The following SLC4A1 variants were observed in gnomAD, a reference collection of about 807,000 sequenced individuals.
SLC4A1 encodes the protein band 3 anion transport protein.
Under a neutral mutation model 93.1 loss-of-function variants are expected in SLC4A1, and 29 were observed. The observed-to-expected ratio is 0.31, with a 90% CI of 0.23 to 0.42. The LOEUF is 0.42. Ranked by LOEUF, SLC4A1 falls within the 20% of genes least tolerant of loss-of-function variation. SLC4A1 has a pLI of 1.00. For missense variants in SLC4A1, 965 were observed against 1,190.1 expected (o/e 0.81, Z 2.78); for synonymous variants, 469 against 497.2 (o/e 0.94, Z 0.76).
At position 44,255,822 on chromosome 17, in the gene SLC4A1, T is replaced by G. The variant is rs1598298532; in HGVS notation, c.1651A>C (p.Lys551Gln). ...IKIFQDHPLQ[K>Q]TYNYNVLMVP... ...ATCAACACGTTGTAGTTATAAGTCT[T>G]CTGTAGTGGGTGGTCCTGGAAGATC... The change falls in exon 14 of 20, where the codon AAG (lysine) becomes CAG (glutamine). Residue 551 changes from lysine to glutamine, a missense_variant. Transcript: ENST00000262418. The G allele has an allele frequency of 2.5e-6, 4 of 1,614,160 alleles. No individual in the cohort carries two copies. The East Asian group carries it at 8.9e-5, about 36-fold the overall frequency.
chr17:44,251,720 CTTTTTTTTTT>C lies in SLC4A1; in HGVS notation c.2312-142_2312-133del, dbSNP rs67064853. On this transcript the variant is annotated intron_variant, in intron 17 of 19. Coordinates refer to ENST00000262418, the MANE Select transcript of SLC4A1 (RefSeq NM_000342.4). Reference sequence around the variant, plus strand: ...GCCATTTCTTTTTTCCTTTTCTTTTCTTTTTTTTTTTTTTTTTTTGTTTTTTTTTTTGAGA... The same window carrying C: ...GCCATTTCTTTTTTCCTTTTCTTTTCTTTTTTTTTGTTTTTTTTTTTGAGA... The C allele has an allele frequency of 3.6e-5, 14 of 392,888 alleles. 1 individual carries two copies. Among genetic ancestry groups the C allele is most frequent in the African/African-American group, 3.4e-4 (11 of 32,792 alleles). The allele number at this position is 392,888 out of a possible 1,614,324, so 24.3% of individuals were successfully genotyped here. A position where few individuals can be genotyped will look rare whatever the true frequency, so the allele number is the denominator to read the frequency against.
In SLC4A1 at chr17:44,259,845, T is replaced by C. The variant is rs1208544718; in HGVS notation, c.573A>G (p.Gln191=). The stretch of plus-strand genomic sequence containing the variant: ...AGAGCTGTGTCTCCAGTGAGGAGTG[T>C]TGGGGGAGCAGAGGCTGTGAAGGAT... ...SGDPSQPLLP[Q]HSSLETQLFC... is the part of the protein sequence containing the mutation. Residue 191 remains glutamine, a synonymous_variant, in exon 7 of 20, where the codon CAA becomes CAG. Coordinates refer to ENST00000262418, the MANE Select transcript of SLC4A1 (RefSeq NM_000342.4). 1.9e-6 allele frequency: 3 copies of C among 1,613,774 alleles called. No individual in the cohort carries two copies. The highest frequency in any genetic ancestry group is 2.5e-6 in the Non-Finnish European group (3 of 1,179,978).
intron 4 of SLC4A1, 47 bp from the exon 5 acceptor site, chr17:44,260,862 C>T (rs1361972516): frequency 1.3e-6 from 2 of 1,597,888 alleles, no homozygotes; most frequent in Admixed American, 3.3e-5. Flanking sequence ...TAGTCCAGGG[C>T]ATAGTGGGTG....
In SLC4A1 at chr17:44,250,522, G is replaced by A. The variant is rs2047329042; in HGVS notation, c.2672C>T (p.Ala891Val). The change falls in exon 20 of 20, where the codon GCC becomes GTC. Residue 891 changes from alanine (A) to valine (V), a missense_variant. Around this residue, in one of 2 missense-constraint regions of SLC4A1, gnomAD observed 770 missense variants for 1,006.6 expected, o/e 0.76. Transcript: ENST00000262418. ...VELQCLDADD[A>V]KATFDEEEGR... ...TTCCTCCTCATCAAAGGTTGCCTTG[G>A]CATCATCAGCATCCAGCTGGAGGGG... 1.9e-6 allele frequency: 3 copies of A among 1,613,770 alleles called. No individual in the cohort carries two copies. The highest frequency in any genetic ancestry group is 2.5e-6 in the Non-Finnish European group (3 of 1,179,858).
At position 44,259,239 on chromosome 17, in the gene SLC4A1, A is replaced by C; in HGVS notation, c.800T>G (p.Val267Gly). The change falls in exon 9 of 20, where the codon GTG becomes GGG. Residue 267 changes from valine (V) to glycine (G), a missense_variant. Physicochemically the swap from Val to Gly is moderately radical, Grantham distance 109. Coordinates refer to ENST00000262418, the MANE Select transcript of SLC4A1 (RefSeq NM_000342.4). ...GTGGGGGGCCTCAGGTCCCAGCAAC[A>C]CAAAGAGGAAGCGTATAGGCACCGG... ...ELPVPIRFLFVLLGPEAPHID... is the reference protein window; with the variant it reads ...ELPVPIRFLFGLLGPEAPHID... 6.2e-7 allele frequency: 1 copy of C among 1,614,044 alleles called. No homozygotes were observed. Among genetic ancestry groups the C allele is most frequent in the South Asian group, 1.1e-5 (1 of 91,086 alleles).
At chr17:44,263,748 G>GCTTCCTTCCTTCCTTCCTCCATCCCTC (rs2047472179) in intron 1 of SLC4A1, among the ~76,000 whole-genome samples, 2 of 117,564 alleles carry the variant, frequency 1.7e-5, no homozygotes, top group African/African-American at 7.8e-5. Context: ...CTCCATCCCT[G>GCTTCCTTCCTTCCTTCCTCCATCCCTC]CTTCCTTCCT....
rs45575132 is a variant in SLC4A1, at chr17:44,267,285, C to T, written c.-69+769G>A. ...CCTGCCATTTACTAACGGCGTGTGA[C>T]TTCAACTCTCTGTGCCTCAGTTTTC... On this transcript the variant is annotated intron_variant, in intron 1 of 19. Coordinates refer to ENST00000262418, the MANE Select transcript of SLC4A1 (RefSeq NM_000342.4). Among the ~76,000 whole-genome samples the T allele has an allele frequency of 8.2e-3, 1,249 of 152,320 alleles. 21 individuals are homozygous for T. The highest frequency in any genetic ancestry group is 0.029 in the African/African-American group (1,206 of 41,582).
chr17:44,251,768 C>T (rs1250299319), intron 17 of SLC4A1, among the ~76,000 whole-genome samples, 180 bp from the exon 18 acceptor site: 31 of 118,694 alleles, frequency 2.6e-4, no homozygotes, highest in African/African-American at 1.0e-3. Context: ...GGATCTCGCT[C>T]TGTCACCCAA....
chr17:44,264,158 T>C (rs572406376), intron 1 of SLC4A1, among the ~76,000 whole-genome samples: 1 of 152,260 alleles, frequency 6.6e-6, no homozygotes, highest in East Asian at 1.9e-4. Context: ...CATGCCTGAC[T>C]AATTTTTAAA....
intron 1 of SLC4A1, among the ~76,000 whole-genome samples, chr17:44,265,606 C>T (rs572278543): frequency 2.0e-5 from 3 of 152,046 alleles, no homozygotes; most frequent in Non-Finnish European, 2.9e-5. Context: ...CTCCTGACCT[C>T]GTGATCCACC....
At position 44,259,357 on chromosome 17, in the gene SLC4A1, GAGA is replaced by G. The variant is rs773174518; in HGVS notation, c.695-16_695-14del. 1.9e-6 allele frequency: 3 copies of G among 1,613,234 alleles called. No homozygotes were observed. Among genetic ancestry groups the G allele is most frequent in the Admixed American group, 1.7e-5 (1 of 59,884 alleles). On this transcript the variant is annotated splice_polypyrimidine_tract_variant and intron_variant, in intron 8 of 19. Transcript: ENST00000262418. ...AAGTCGGCGCGGCCTGTTAGGGGAT[GAGA>G]AGATCAGGCCAGGCCGAGGAGCCCA... is the stretch of plus-strand genomic sequence containing the variant.
chr17:44,258,294 T>C lies in SLC4A1; in HGVS notation c.1088-114A>G. The C allele has an allele frequency of 7.0e-7, 1 of 1,418,542 alleles. No individual in the cohort carries two copies. Among genetic ancestry groups the C allele is most frequent in the Non-Finnish European group, 1.0e-6 (1 of 1,004,700 alleles). 87.9% of individuals were successfully genotyped at this position (1,418,542 alleles called of 1,614,324 possible). ...ATGGGAATGGGGCGGCGAAGAAGTC[T>C]GGAAGATGTGGGCAAAGGGAGCGAT... On this transcript the variant is annotated intron_variant, in intron 10 of 19. Transcript: ENST00000262418. The surrounding 1 kb of genome is among the most constrained non-coding windows in gnomAD (Gnocchi z 6.1).
chr17:44,260,894 CTTGTGCTTG>C, intron 4 of SLC4A1, 79 bp from the exon 5 acceptor site: 1 of 1,513,586 alleles, frequency 6.6e-7, no homozygotes, highest in Non-Finnish European at 9.1e-7. Context: ...TCGAGAGAGG[CTTGTGCTTG>C]TGAGGCTTGG....
chr17:44,266,486 T>A (rs2047496878), intron 1 of SLC4A1, among the ~76,000 whole-genome samples: 1 of 152,158 alleles, frequency 6.6e-6, no homozygotes. Context: ...GCTGCCTCTC[T>A]GCCACTGACT....
At chr17:44,252,437 C>T (rs1220558225) in intron 17 of SLC4A1, among the ~76,000 whole-genome samples, 1 of 152,140 alleles carries the variant, frequency 6.6e-6, no homozygotes, top group Non-Finnish European at 1.5e-5. Context: ...GGAGTCAAAG[C>T]CCTGCCTGCC....
At chr17:44,260,029 G>A in intron 6 of SLC4A1, 97 bp from the exon 7 acceptor site, 1 of 1,496,912 alleles carries the variant, frequency 6.7e-7, no homozygotes, top group Non-Finnish European at 9.2e-7. Context: ...GACTGGGGTA[G>A]ACATCAAGGG....
chr17:44,258,725 C>T lies in SLC4A1; in HGVS notation c.877-102G>A. On this transcript the variant is annotated intron_variant, in intron 9 of 19. Transcript: ENST00000262418. This position sits in a 1 kb window ranked among gnomAD's most constrained non-coding sequence, Gnocchi z 6.1. ...CAGGAACCAGAACCCCCTCAGGCAG[C>T]AGCTCCCATTGCCAGGAACTGCTTT... 8.8e-7 allele frequency: 1 copy of T among 1,138,444 alleles called. No individual in the cohort carries two copies. Among genetic ancestry groups the T allele is most frequent in the Non-Finnish European group, 1.3e-6 (1 of 775,274 alleles). The allele number at this position is 1,138,444 out of a possible 1,614,324, so 70.5% of individuals were successfully genotyped here. A position where few individuals can be genotyped will look rare whatever the true frequency, so the allele number is the denominator to read the frequency against.
rs2047327892 is a variant in SLC4A1 at position 44,250,423 on chromosome 17, A to G, written c.*35T>C. The G allele has an allele frequency of 2.0e-6, 3 of 1,529,372 alleles. No individual in the cohort carries two copies. Among genetic ancestry groups the G allele is most frequent in the African/African-American group, 1.4e-5 (1 of 73,396 alleles). The allele number at this position is 1,529,372 out of a possible 1,614,324, so 94.7% of individuals were successfully genotyped here. On this transcript the variant is annotated 3_prime_UTR_variant, in exon 20 of 20. Coordinates refer to ENST00000262418, the MANE Select transcript of SLC4A1 (RefSeq NM_000342.4). ...TTTCCTTGGAAGGTGGGGATGTGGAATGGTGGGGGAGGGTCTAGGGCCTGG... is the reference window on the plus strand; with the variant it reads ...TTTCCTTGGAAGGTGGGGATGTGGAGTGGTGGGGGAGGGTCTAGGGCCTGG...
intron 13 of SLC4A1, 143 bp from the exon 14 acceptor site, chr17:44,255,989 A>G (rs531168390): frequency 4.8e-4 from 389 of 805,434 alleles, no homozygotes; most frequent in Non-Finnish European, 7.4e-4. Flanking sequence ...CCACCCATCC[A>G]TCATTCATCT....
Sources: allele counts gnomAD v4.1 joint callset (sites outside exome capture counted in the v4.1 genomes callset), GRCh38; gene constraint gnomAD v4.1.1; regional missense constraint gnomAD v4.1.1; non-coding constraint Gnocchi (gnomAD v3.1); transcripts MANE v1.5; gene names NCBI Gene and HGNC (gene_info 2026-07-23, HGNC 2026-07-21).